Variants in TRIM33 observed in about 807,000 individuals in gnomAD.
The protein encoded by TRIM33 is tripartite motif containing 33, also known as E3 ubiquitin-protein ligase TRIM33.
A neutral mutation model predicts 125.4 loss-of-function variants in TRIM33; 20 were observed. That is an observed-to-expected ratio of 0.16 (90% CI 0.11 to 0.23). The LOEUF is 0.23. Among genes scored for constraint, TRIM33 ranks in the 10% least tolerant of loss-of-function variants. The pLI is 1.00. For synonymous variants in TRIM33, 564 were observed against 513.9 expected, an observed-to-expected ratio of 1.10 and a Z score of -1.32; for missense variants, 920 against 1,411.4, an observed-to-expected ratio of 0.65 and a Z score of 5.58.
intron 13 of TRIM33, among the ~76,000 whole-genome samples, chr1:114,407,443 T>G (rs1392299262): frequency 3.3e-5 from 5 of 152,180 alleles, no homozygotes; most frequent in African/African-American, 1.2e-4. Context: ...TGAGTGCTAT[T>G]AGTACTAGAA....
At chr1:114,450,171 C>T (rs894910564) in intron 4 of TRIM33, among the ~76,000 whole-genome samples, 19 of 152,160 alleles carry the variant, frequency 1.2e-4, no homozygotes, top group African/African-American at 4.6e-4. Flanking sequence ...GCAGGAGAAT[C>T]GCTTGCACCC....
At position 114,397,068 on chromosome 1, in the gene TRIM33, A is replaced by AT. The variant is rs1209068671; in HGVS notation, c.*579dup. 9.0e-6 allele frequency: 2 copies of AT among 222,214 alleles called. No individual in the cohort carries two copies. Among genetic ancestry groups the AT allele is most frequent in the African/African-American group, 4.5e-5 (2 of 44,756 alleles). The allele number at this position is 222,214 out of a possible 1,614,324, so 13.8% of individuals were successfully genotyped here. On this transcript the variant is annotated 3_prime_UTR_variant, in exon 20 of 20. Transcript: ENST00000358465. The stretch of plus-strand genomic sequence containing the variant: ...AAATAAAACCATTGCTGAGTTCTTT[A>AT]TATCAATTTAAAAACTAAGACCCAA...
chr1:114,405,172 T>A, intron 15 of TRIM33: 1 of 417,594 alleles, frequency 2.4e-6, no homozygotes, highest in Non-Finnish European at 4.2e-6. Context: ...ATTTTCCTTA[T>A]ACTGAATATA....
intron 11 of TRIM33, among the ~76,000 whole-genome samples, chr1:114,419,753 T>C (rs548562032): frequency 6.6e-6 from 1 of 152,206 alleles, no homozygotes; most frequent in African/African-American, 2.4e-5. Context: ...AAATTACAGC[T>C]GCTCTTACAG....
chr1:114,454,673 T>TAAAA (rs34493715), intron 4 of TRIM33, among the ~76,000 whole-genome samples: 3 of 132,068 alleles, frequency 2.3e-5, no homozygotes, highest in African/African-American at 2.8e-5. Context: ...AAGACTCCTC[T>TAAAA]AAAAAAAAAA....
intron 1 of TRIM33, among the ~76,000 whole-genome samples, chr1:114,482,146 A>T (rs1175606559): frequency 6.6e-6 from 1 of 152,354 alleles, no homozygotes; most frequent in East Asian, 1.9e-4. Context: ...GAAATGTGAC[A>T]ACAGTGACTA....
chr1:114,467,419 G>A (rs904751694), intron 1 of TRIM33, among the ~76,000 whole-genome samples: 1 of 152,152 alleles, frequency 6.6e-6, no homozygotes, highest in Non-Finnish European at 1.5e-5. Context: ...GCATATTTCT[G>A]GAGCTGAAGG....
intron 1 of TRIM33, among the ~76,000 whole-genome samples, chr1:114,488,646 C>G (rs1453765230): frequency 6.6e-6 from 1 of 152,036 alleles, no homozygotes; most frequent in East Asian, 1.9e-4. Context: ...CGGCTGCAGT[C>G]CCAGCTACTA....
chr1:114,502,267 A>T (rs1383181766), intron 1 of TRIM33, among the ~76,000 whole-genome samples: 5 of 152,198 alleles, frequency 3.3e-5, no homozygotes, highest in African/African-American at 1.2e-4. Flanking sequence ...CTACTGGCCC[A>T]AAGACTCTGA....
intron 1 of TRIM33, among the ~76,000 whole-genome samples, chr1:114,478,459 G>A (rs760933886): frequency 3.3e-5 from 5 of 152,100 alleles, no homozygotes; most frequent in East Asian, 1.9e-4. Context: ...AGAGAGTCAC[G>A]GAAGGGCTAA....
chr1:114,409,701 A>G (rs1474887937), intron 12 of TRIM33, among the ~76,000 whole-genome samples: 2 of 152,228 alleles, frequency 1.3e-5, no homozygotes, highest in Non-Finnish European at 2.9e-5. Context: ...CAAGAAAAAA[A>G]TATGTTATTG....
At chr1:114,473,820 A>G (rs1421687127) in intron 1 of TRIM33, among the ~76,000 whole-genome samples, 1 of 152,210 alleles carries the variant, frequency 6.6e-6, no homozygotes. Flanking sequence ...AACCATAACA[A>G]TAATGATAGT....
rs746911540 is a variant in TRIM33 at position 114,399,496 on chromosome 1, A to G, written c.3081T>C (p.Asp1027=). 3.1e-6 allele frequency: 5 copies of G among 1,613,880 alleles called. No homozygotes were observed. Among genetic ancestry groups the G allele is most frequent in the South Asian group, 1.1e-5 (1 of 91,054 alleles). ...HYQIPDDFVA[D]VRLIFKNCER... ...CACAGTTCTTGAAGATCAAACGGAC[A>G]TCGGCCACAAAGTCATCCGGGATTT... Residue 1027 remains aspartate, a synonymous_variant, in exon 18 of 20, where the codon GAT becomes GAC. Transcript: ENST00000358465.
chr1:114,489,524 G>A lies in TRIM33; in HGVS notation c.526+21027C>T, dbSNP rs559999217. Among the ~76,000 whole-genome samples the A allele has an allele frequency of 1.8e-3, 274 of 152,178 alleles. 1 individual carries two copies. The highest frequency in any genetic ancestry group is 5.6e-3 in the African/African-American group (232 of 41,502). ...TTTACGGGGCTGAAGCAAGAGGATC[G>A]CTTGGACCCAGGAGTTTGAGACCAG... is the stretch of plus-strand genomic sequence containing the variant. On this transcript the variant is annotated intron_variant, in intron 1 of 19. Transcript: ENST00000358465.
At chr1:114,456,886 G>A (rs1402732855) in intron 4 of TRIM33, among the ~76,000 whole-genome samples, 1 of 152,174 alleles carries the variant, frequency 6.6e-6, no homozygotes, top group Admixed American at 6.5e-5. Context: ...ACCAACAGGA[G>A]CTGTATGATA....
chr1:114,444,550 C>T (rs1648860423), intron 4 of TRIM33, among the ~76,000 whole-genome samples: 1 of 152,172 alleles, frequency 6.6e-6, no homozygotes, highest in African/African-American at 2.4e-5. Context: ...TAAAACCAAG[C>T]CTTGACAAGA....
At chr1:114,510,483 G>T in intron 1 of TRIM33, 68 bp downstream of exon 1, 2 of 1,377,598 alleles carry the variant, frequency 1.5e-6, no homozygotes, top group Non-Finnish European at 1.9e-6. Context: ...CAGCACCTCC[G>T]TCCCCAGCTC....
rs113285675 is a variant in TRIM33, at chr1:114,465,806, C to T, written c.527-1418G>A. On this transcript the variant is annotated intron_variant, in intron 1 of 19. Transcript: ENST00000358465. ...CCTGTAATCCCAGCACTTTGGGAGG[C>T]CGAGGCGGGCGGATCACGAGGTCAG... Among the ~76,000 whole-genome samples, 727 of 152,012 alleles carry T rather than the reference C, an allele frequency of 4.8e-3. 8 individuals carry two copies. The highest frequency in any genetic ancestry group is 0.016 in the African/African-American group (681 of 41,470).
chr1:114,486,558 A>AC (rs1289735279), intron 1 of TRIM33, among the ~76,000 whole-genome samples: 26 of 150,598 alleles, frequency 1.7e-4, no homozygotes, highest in African/African-American at 5.8e-4. Flanking sequence ...AAAAAAAAAA[A>AC]AAAAAAAACC....
Sources: gnomAD v4.1 joint callset for allele counts (sites outside exome capture counted in the v4.1 genomes callset) on GRCh38, gnomAD v4.1.1 for gene constraint, MANE v1.5 for transcripts, NCBI Gene and HGNC (gene_info 2026-07-23, HGNC 2026-07-21) for gene names.